The following RIMKLB variants were observed in gnomAD, a reference collection of about 807,000 sequenced individuals.
RIMKLB encodes the protein ribosomal modification protein rimK like family member B.
In RIMKLB, 7 loss-of-function variants were observed where a neutral mutation model predicts 32.0. The observed-to-expected ratio is 0.22, with a 90% CI of 0.12 to 0.41. The LOEUF (loss-of-function observed/expected upper bound fraction) is 0.41, where lower values mean the gene tolerates loss of function less well. RIMKLB is among the 10% of genes least tolerant of loss of function. RIMKLB has a pLI of 1.00. For synonymous variants in RIMKLB, 172 were observed against 185.1 expected, an observed-to-expected ratio of 0.93 and a Z score of 0.57; for missense variants, 289 against 498.7, an observed-to-expected ratio of 0.58 and a Z score of 4.00.
At chr12:8,678,842 T>G (rs1942360106), upstream of RIMKLB, 1 of 152,234 alleles carries the variant, frequency 6.6e-6, no homozygotes, top group Non-Finnish European at 1.5e-5. Context: ...TAAGCTCATT[T>G]TTCAGGATGA....
At position 8,775,044 on chromosome 12, in the gene RIMKLB, C is replaced by T. The variant is rs1950652109; in HGVS notation, c.*1260C>T. ...GACTCCACTGGGGTAGAGGTATTCACCTTAAAACATAGGGTGAGTAGATGC... is the reference window on the plus strand; with the variant it reads ...GACTCCACTGGGGTAGAGGTATTCATCTTAAAACATAGGGTGAGTAGATGC... On this transcript the variant is annotated 3_prime_UTR_variant, in exon 6 of 6. Coordinates refer to ENST00000535829, the MANE Select transcript of RIMKLB (RefSeq NM_001297776.2). 1.0e-6 allele frequency: 1 copy of T among 985,728 alleles called. No homozygotes were observed. The highest frequency in any genetic ancestry group is 1.2e-6 in the Non-Finnish European group (1 of 829,858). 61.1% of individuals were successfully genotyped at this position (985,728 alleles called of 1,614,324 possible).
At chr12:8,708,327 C>G (rs1171363569) in intron 1 of RIMKLB, among the ~76,000 whole-genome samples, 1 of 152,002 alleles carries the variant, frequency 6.6e-6, no homozygotes, top group African/African-American at 2.4e-5. Context: ...AGAATAAATA[C>G]CTTTGGGAAG....
At chr12:8,720,936 G>A (rs755039655) in intron 2 of RIMKLB, among the ~76,000 whole-genome samples, 1 of 152,194 alleles carries the variant, frequency 6.6e-6, no homozygotes, top group Non-Finnish European at 1.5e-5. Flanking sequence ...CTGCCTCAGA[G>A]TCTACTGGGA....
chr12:8,697,880 C>T (rs1455698287), upstream of RIMKLB: 1 of 146,414 alleles, frequency 6.8e-6, no homozygotes, highest in Non-Finnish European at 1.5e-5. Flanking sequence ...AGGGCGGGGC[C>T]GGGGCGCGCG....
intron 2 of RIMKLB, among the ~76,000 whole-genome samples, chr12:8,721,963 C>CA (rs1470877105): frequency 6.6e-6 from 1 of 152,054 alleles, no homozygotes; most frequent in Non-Finnish European, 1.5e-5. Context: ...AGGTTGGTCT[C>CA]AAACTCCTGA....
At chr12:8,779,989 C>G (rs768111660), downstream of RIMKLB, 2 of 151,978 alleles carry the variant, frequency 1.3e-5, no homozygotes, top group Admixed American at 1.3e-4. Context: ...AAAAATATAC[C>G]CACTGCTTAT....
chr12:8,758,258 A>T (rs1463452494), intron 5 of RIMKLB, among the ~76,000 whole-genome samples: 1 of 150,146 alleles, frequency 6.7e-6, no homozygotes, highest in Non-Finnish European at 1.5e-5. Flanking sequence ...ATTGATCTGC[A>T]GGCTCTTTTT....
rs1591840586 is a variant in RIMKLB at position 8,743,486 on chromosome 12, A to G, written c.176-6376A>G. Among the ~76,000 whole-genome samples, 8 of 151,656 alleles carry G rather than the reference A, an allele frequency of 5.3e-5. No homozygotes were observed. The South Asian group carries it at 1.7e-3, about 32-fold the overall frequency. On this transcript the variant is annotated intron_variant, in intron 2 of 5. Transcript: ENST00000535829. The stretch of plus-strand genomic sequence containing the variant: ...CTGTTCCTTGATTCCTGAGAAGAAA[A>G]CCACTGGTACTTACTATTATTAAGA...
intron 5 of RIMKLB, among the ~76,000 whole-genome samples, chr12:8,762,283 G>A (rs1402458043): frequency 6.6e-6 from 1 of 152,140 alleles, no homozygotes; most frequent in Non-Finnish European, 1.5e-5. Context: ...TTCCTTCTTT[G>A]GTGGCTAGCC....
intron 1 of RIMKLB, among the ~76,000 whole-genome samples, chr12:8,710,965 CAAAAAAAAAAAAA>C (rs748394546): frequency 1.5e-5 from 1 of 65,768 alleles, no homozygotes. Context: ...ACATCTTTAC[CAAAAAAAAAAAAA>C]AAAAAAAAAA....
rs374575980 is a variant in RIMKLB, at chr12:8,775,756, T to C, written c.*1972T>C. ...GGTTGATTGTTGATGAATAGAATAG[T>C]ACCTCTCATCTGTGCAGTGTCTCAT... On this transcript the variant is annotated 3_prime_UTR_variant, in exon 6 of 6. Transcript: ENST00000535829. The C allele has an allele frequency of 7.1e-6, 7 of 985,296 alleles. No homozygotes were observed. In the Admixed American group the frequency reaches 3.1e-4, roughly 43 times the overall value. The allele number at this position is 985,296 out of a possible 1,614,324, so 61.0% of individuals were successfully genotyped here.
In RIMKLB at chr12:8,775,361, T is replaced by C; in HGVS notation, c.*1577T>C. On this transcript the variant is annotated 3_prime_UTR_variant, in exon 6 of 6. Coordinates refer to ENST00000535829, the MANE Select transcript of RIMKLB (RefSeq NM_001297776.2). ...ATAAAAGCCCCCAAACTGCATATAA[T>C]ATGAGCCTTTAAAACATGGGTAAAA... 1 of 985,364 alleles carries C rather than the reference T, an allele frequency of 1.0e-6. No homozygotes were observed. The highest frequency in any genetic ancestry group is 1.2e-6 in the Non-Finnish European group (1 of 829,834). 61.0% of individuals were successfully genotyped at this position (985,364 alleles called of 1,614,324 possible).
chr12:8,723,393 G>GTAAC (rs1269719106), intron 2 of RIMKLB, among the ~76,000 whole-genome samples: 2 of 152,156 alleles, frequency 1.3e-5, no homozygotes, highest in African/African-American at 4.8e-5. Flanking sequence ...ATTTATAATA[G>GTAAC]TAACATCAAA....
chr12:8,751,892 G>C, intron 3 of RIMKLB, 65 bp from the exon 4 acceptor site: 1 of 1,064,028 alleles, frequency 9.4e-7, no homozygotes, highest in Non-Finnish European at 1.5e-6. Flanking sequence ...CTTTAGCGTT[G>C]ATAAAATTGA....
intron 1 of RIMKLB, among the ~76,000 whole-genome samples, chr12:8,712,082 G>C (rs1202754519): frequency 6.6e-6 from 1 of 152,162 alleles, no homozygotes; most frequent in East Asian, 1.9e-4. Flanking sequence ...GGGAGGATAA[G>C]GTTTACTGCC....
At chr12:8,679,029 A>G (rs956260926), upstream of RIMKLB, 3 of 153,494 alleles carry the variant, frequency 2.0e-5, no homozygotes, top group Admixed American at 2.0e-4. Flanking sequence ...CTTTCCAGCC[A>G]TACAGAAGTT....
At chr12:8,731,171 A>G (rs1313389972) in intron 2 of RIMKLB, among the ~76,000 whole-genome samples, 2 of 152,018 alleles carry the variant, frequency 1.3e-5, no homozygotes, top group African/African-American at 2.4e-5. Context: ...ATCTCGGCTC[A>G]CTGCAACCTC....
At chr12:8,712,683 TC>T (rs1459745165) in intron 1 of RIMKLB, among the ~76,000 whole-genome samples, 1 of 152,114 alleles carries the variant, frequency 6.6e-6, no homozygotes, top group Non-Finnish European at 1.5e-5. Context: ...TGCTGTTGGC[TC>T]TGATGGGGCC....
chr12:8,710,997 C>T (rs1472199101), intron 1 of RIMKLB, among the ~76,000 whole-genome samples: 1 of 150,166 alleles, frequency 6.7e-6, no homozygotes, highest in African/African-American at 2.5e-5. Flanking sequence ...AAATTAGAGA[C>T]CGGGCCTGTT....
Sources: allele counts gnomAD v4.1 joint callset (sites outside exome capture counted in the v4.1 genomes callset), GRCh38; gene constraint gnomAD v4.1.1; transcripts MANE v1.5; gene names NCBI Gene and HGNC (gene_info 2026-07-23, HGNC 2026-07-21).